The following SVOPL variants were observed in gnomAD, a reference collection of about 807,000 sequenced individuals.
The protein encoded by SVOPL is SVOP like, also known as putative transporter SVOPL.
Under a neutral mutation model 61.0 loss-of-function variants are expected in SVOPL, and 60 were observed. The ratio of observed to expected loss-of-function variants is 0.98; its 90% confidence interval spans 0.80 to 1.22. The LOEUF is 1.22. SVOPL is among the 50% of genes most tolerant of loss of function. The pLI is 0.00. For synonymous variants in SVOPL, 279 were observed against 250.0 expected, an observed-to-expected ratio of 1.12 and a Z score of -1.09; for missense variants, 662 against 643.9, an observed-to-expected ratio of 1.03 and a Z score of -0.30.
chr7:138,673,045 A>T (rs530469944), intron 3 of SVOPL, among the ~76,000 whole-genome samples: 1 of 152,290 alleles, frequency 6.6e-6, no homozygotes, highest in South Asian at 2.1e-4. Context: ...AGGGAAGAAC[A>T]CTGACATCAT....
intron 4 of SVOPL, 58 bp downstream of exon 4, chr7:138,671,961 G>T: frequency 6.7e-7 from 1 of 1,488,836 alleles, no homozygotes; most frequent in Non-Finnish European, 9.2e-7. Context: ...GCAGGATGGA[G>T]GAAAGGGAGC....
chr7:138,622,731 G>C (rs1303844101), intron 13 of SVOPL, among the ~76,000 whole-genome samples: 1 of 152,156 alleles, frequency 6.6e-6, no homozygotes, highest in African/African-American at 2.4e-5. Context: ...CAAAGTGCTG[G>C]GATTACAGGT....
In SVOPL at chr7:138,638,838, C is replaced by CA. The variant is rs756948869; in HGVS notation, c.789+5878dup. On this transcript the variant is annotated intron_variant, in intron 9 of 15. Transcript: ENST00000674285. ...AATTCCAAGTTAATAAAAGGAAGTG[C>CA]AGGGGAGGGAAAGGCAAACTCAATC... Among the ~76,000 whole-genome samples, 22 of 152,054 alleles carry CA rather than the reference C, an allele frequency of 1.4e-4. 1 individual carries two copies. Among genetic ancestry groups the CA allele is most frequent in the South Asian group, 4.1e-4 (2 of 4,832 alleles).
Position 138,625,932 on chromosome 7 carries a change from C to T in SVOPL, c.1263+37G>A, listed in dbSNP as rs769161835. ...TGGACATCCTAAGTAGCTCACCTTA[C>T]ACACCCTTTGTAAGCAAGCCTTGCA... On this transcript the variant is annotated intron_variant, in intron 13 of 15. Coordinates refer to ENST00000674285, the MANE Select transcript of SVOPL (RefSeq NM_001139456.2). 4.3e-6 allele frequency: 7 copies of T among 1,609,918 alleles called. 1 individual carries two copies. The East Asian group carries it at 1.6e-4, about 36-fold the overall frequency.
intron 4 of SVOPL, among the ~76,000 whole-genome samples, chr7:138,664,394 G>C (rs1472214541): frequency 7.0e-6 from 1 of 143,256 alleles, no homozygotes; most frequent in African/African-American, 2.6e-5. Flanking sequence ...CATCGGGCAC[G>C]CCTCTGACCC....
intron 14 of SVOPL, among the ~76,000 whole-genome samples, 162 bp downstream of exon 14, chr7:138,620,882 CCT>C (rs1219238726): frequency 2.0e-5 from 3 of 152,122 alleles, no homozygotes; most frequent in Non-Finnish European, 2.9e-5. Context: ...GCAGATTTAG[CCT>C]CTCTCTCTAC....
chr7:138,660,861 C>T lies in SVOPL; in HGVS notation c.346-873G>A, dbSNP rs1020373522. The T allele has an allele frequency of 4.1e-6, 4 of 984,980 alleles. No homozygotes were observed. In the African/African-American group the frequency reaches 7.0e-5, roughly 17 times the overall value. The allele number at this position is 984,980 out of a possible 1,614,324, so 61.0% of individuals were successfully genotyped here. A position where few individuals can be genotyped will look rare whatever the true frequency, so the allele number is the denominator to read the frequency against. On this transcript the variant is annotated intron_variant, in intron 5 of 15. Coordinates refer to ENST00000674285, the MANE Select transcript of SVOPL (RefSeq NM_001139456.2). ...TATATATAGTAAGGGTGTCTATATA[C>T]TTGCAAGTCATGAAAATGTCCATTT...
chr7:138,620,583 C>A (rs546164166), intron 14 of SVOPL, among the ~76,000 whole-genome samples: 3 of 152,180 alleles, frequency 2.0e-5, no homozygotes, highest in Admixed American at 2.0e-4. Flanking sequence ...CTCCAAGTCA[C>A]CCTGGATTTT....
chr7:138,674,652 C>T (rs190455624), intron 3 of SVOPL, among the ~76,000 whole-genome samples: 7 of 151,352 alleles, frequency 4.6e-5, no homozygotes, highest in African/African-American at 1.5e-4. Flanking sequence ...GTCAGGAGAT[C>T]GAGACCATCC....
At chr7:138,664,371 G>T in intron 4 of SVOPL, 2 of 377,424 alleles carry the variant, frequency 5.3e-6, no homozygotes, top group Non-Finnish European at 7.2e-6. Flanking sequence ...ACCCTCCAAC[G>T]CCCCTAATCC....
chr7:138,653,926 C>T (rs1299163889), intron 7 of SVOPL, among the ~76,000 whole-genome samples: 1 of 68,004 alleles, frequency 1.5e-5, no homozygotes, highest in Non-Finnish European at 2.9e-5. Flanking sequence ...GAGCAAGACT[C>T]TGTCTCAAAA....
intron 9 of SVOPL, among the ~76,000 whole-genome samples, chr7:138,638,565 C>T (rs1291070546): frequency 6.6e-6 from 1 of 151,858 alleles, no homozygotes; most frequent in Non-Finnish European, 1.5e-5. Context: ...ACTGCACTCC[C>T]GCTGGGTGAC....
chr7:138,617,789 T>A (rs1799366567), intron 14 of SVOPL, among the ~76,000 whole-genome samples: 2 of 152,096 alleles, frequency 1.3e-5, no homozygotes, highest in Non-Finnish European at 2.9e-5. Flanking sequence ...TGAGCCCTGA[T>A]CATGCCACTG....
intron 14 of SVOPL, among the ~76,000 whole-genome samples, chr7:138,615,912 G>T (rs1563091026): frequency 6.6e-6 from 1 of 152,072 alleles, no homozygotes; most frequent in Non-Finnish European, 1.5e-5. Context: ...CTGGATGTGA[G>T]GACACAAGAA....
In SVOPL at chr7:138,618,090, G is replaced by A. The variant is rs111361320; in HGVS notation, c.1353+2956C>T. ...AGCTGGCACAAAGCTTCCCAGATTC[G>A]AAACCTCCCCAATCTAAACCTGTTA... On this transcript the variant is annotated intron_variant, in intron 14 of 15. Coordinates refer to ENST00000674285, the MANE Select transcript of SVOPL (RefSeq NM_001139456.2). 1.7e-3 allele frequency among the ~76,000 whole-genome samples: 266 copies of A among 152,198 alleles called. 3 individuals carry two copies. Among genetic ancestry groups the A allele is most frequent in the Admixed American group, 9.7e-3 (149 of 15,292 alleles).
At chr7:138,695,707 A>C (rs996880196) in intron 1 of SVOPL, among the ~76,000 whole-genome samples, 1 of 152,024 alleles carries the variant, frequency 6.6e-6, no homozygotes, top group Non-Finnish European at 1.5e-5. Context: ...AGAATTACTT[A>C]CAGGGTTTAG....
chr7:138,617,219 C>A (rs1302145196), intron 14 of SVOPL, among the ~76,000 whole-genome samples: 1 of 152,196 alleles, frequency 6.6e-6, no homozygotes, highest in Non-Finnish European at 1.5e-5. Context: ...ATCTGTCCAC[C>A]TTGGCCTCCC....
At chr7:138,622,213 T>A (rs1799678289) in intron 13 of SVOPL, among the ~76,000 whole-genome samples, 1 of 116,386 alleles carries the variant, frequency 8.6e-6, no homozygotes, top group African/African-American at 3.2e-5. Flanking sequence ...TATCTATCTA[T>A]CTATCTATGT....
At chr7:138,626,415 CAG>C (rs971745698) in intron 12 of SVOPL, among the ~76,000 whole-genome samples, 29 of 151,948 alleles carry the variant, frequency 1.9e-4, no homozygotes, top group Admixed American at 5.9e-4. Context: ...TTTTTTAAGA[CAG>C]AGTCTGGCTC....
Sources: allele counts gnomAD v4.1 joint callset (sites outside exome capture counted in the v4.1 genomes callset), GRCh38; gene constraint gnomAD v4.1.1; transcripts MANE v1.5; gene names NCBI Gene and HGNC (gene_info 2026-07-23, HGNC 2026-07-21).